Variants in COL22A1 observed in about 807,000 individuals in gnomAD.
The protein encoded by COL22A1 is collagen alpha-1(XXII) chain.
A neutral mutation model predicts 248.9 loss-of-function variants in COL22A1; 221 were observed. That is an observed-to-expected ratio of 0.89 (90% CI 0.80 to 0.99). The LOEUF is 0.99. Among genes scored for constraint, COL22A1 ranks in the 50% least tolerant of loss-of-function variants. COL22A1 has a pLI of 0.00. For synonymous variants in COL22A1, 891 were observed against 793.4 expected (o/e 1.12, Z -2.07); for missense variants, 2,240 against 2,179.0 (o/e 1.03, Z -0.56).
intron 56 of COL22A1, 23 bp downstream of exon 56, chr8:138,613,844 A>G (rs370934684): frequency 6.7e-5 from 108 of 1,606,450 alleles, no homozygotes; most frequent in Non-Finnish European, 8.9e-5. Context: ...CATGAAGCAC[A>G]TTAGTCGCAA....
chr8:138,722,493 A>G (rs1314092623), intron 25 of COL22A1, among the ~76,000 whole-genome samples: 2 of 151,860 alleles, frequency 1.3e-5, no homozygotes, highest in Non-Finnish European at 2.9e-5. Flanking sequence ...CTTCCTTCCC[A>G]CTGCTATCCT....
At chr8:138,591,056 G>A (rs1201958787) in intron 64 of COL22A1, among the ~76,000 whole-genome samples, 1 of 152,164 alleles carries the variant, frequency 6.6e-6, no homozygotes, top group Non-Finnish European at 1.5e-5. Flanking sequence ...ATTTTTTAAT[G>A]CGAGAGTCCT....
intron 60 of COL22A1, among the ~76,000 whole-genome samples, chr8:138,601,598 GAAAAAAAAGA>G (rs1312644650): frequency 6.6e-6 from 1 of 151,256 alleles, no homozygotes; most frequent in East Asian, 1.9e-4. Flanking sequence ...CTCTTCAGAA[GAAAAAAAAGA>G]AAAAAAAGTC....
Position 138,877,844 on chromosome 8 carries a change from G to T in COL22A1, c.564C>A (p.Ile188=), listed in dbSNP as rs750855901. The stretch of plus-strand genomic sequence containing the variant: ...CGTGGGCGGACTTGGGCTCTGAGGC[G>T]ATCTCCTCCAGCTCCTCCTTGAGTG... ...GEALKEELEE[I]ASEPKSAHVF... Residue 188 remains isoleucine (I), a synonymous_variant, in exon 3 of 65, where the codon ATC becomes ATA. Coordinates refer to ENST00000303045, the MANE Select transcript of COL22A1 (RefSeq NM_152888.3). 1 of 1,613,474 alleles carries T rather than the reference G, an allele frequency of 6.2e-7. No homozygotes were observed. The highest frequency in any genetic ancestry group is 2.2e-5 in the East Asian group (1 of 44,852).
rs202211660 is a variant in COL22A1 at position 138,598,924 on chromosome 8, A to C, written c.4186-26T>G. The stretch of plus-strand genomic sequence containing the variant: ...CTAAGGAGGAAATAAGCATGTCAGC[A>C]TGTGTCTCAGGGCTGGAAGCTGTAC... On this transcript the variant is annotated intron_variant, in intron 60 of 64. Coordinates refer to ENST00000303045, the MANE Select transcript of COL22A1 (RefSeq NM_152888.3). 240 of 1,612,882 alleles carry C rather than the reference A, an allele frequency of 1.5e-4. No homozygotes were observed. The African/African-American group carries it at 2.3e-3, about 16-fold the overall frequency.
chr8:138,600,730 C>A (rs1448306191), intron 60 of COL22A1, among the ~76,000 whole-genome samples: 1 of 152,110 alleles, frequency 6.6e-6, no homozygotes, highest in Non-Finnish European at 1.5e-5. Context: ...TCAGTGAATT[C>A]AAAAATAATA....
intron 31 of COL22A1, among the ~76,000 whole-genome samples, chr8:138,702,822 T>G (rs1049123008): frequency 6.6e-6 from 1 of 152,170 alleles, no homozygotes; most frequent in Non-Finnish European, 1.5e-5. Context: ...ACTGACTTTG[T>G]TAGACCATAA....
chr8:138,650,711 T>C (rs62527872), intron 45 of COL22A1, among the ~76,000 whole-genome samples: 41 of 77,708 alleles, frequency 5.3e-4, no homozygotes, highest in Admixed American at 2.6e-3. Flanking sequence ...GATAGATAGA[T>C]AGATAGACAG....
intron 1 of COL22A1, among the ~76,000 whole-genome samples, chr8:138,902,961 T>G (rs368283441): frequency 2.6e-5 from 4 of 152,062 alleles, no homozygotes; most frequent in African/African-American, 9.7e-5. Context: ...TCAAGGGTGG[T>G]TACTTTAGCC....
At position 138,778,373 on chromosome 8, in the gene COL22A1, G is replaced by A; in HGVS notation, c.1738C>T (p.Pro580Ser). 6.2e-7 allele frequency: 1 copy of A among 1,612,344 alleles called. No homozygotes were observed. Among genetic ancestry groups the A allele is most frequent in the Non-Finnish European group, 8.5e-7 (1 of 1,179,440 alleles). The change falls in exon 15 of 65, where the codon CCT (proline) becomes TCT (serine). Residue 580 changes from proline (P) to serine (S), a missense_variant. Transcript: ENST00000303045. The part of the protein sequence containing the change: ...PQGPPGLPGP[P>S]GRVGAPGLQG... ...CTTACAGGAGCTCCGACACGTCCAG[G>A]AGGTCCGGGGAGTCCAGGTGGTCCT... is the stretch of plus-strand genomic sequence containing the variant.
At chr8:138,833,229 G>T in intron 4 of COL22A1, 79 bp from the exon 5 acceptor site, 1 of 955,220 alleles carries the variant, frequency 1.0e-6, no homozygotes, top group Non-Finnish European at 1.7e-6. Context: ...TCCGCTGTCT[G>T]CAAAGGCAGC....
At chr8:138,603,614 A>G (rs1220728000) in intron 59 of COL22A1, among the ~76,000 whole-genome samples, 2 of 152,132 alleles carry the variant, frequency 1.3e-5, no homozygotes, top group Non-Finnish European at 2.9e-5. Context: ...CATGGGGCTG[A>G]CGCAGCCCTC....
intron 57 of COL22A1, among the ~76,000 whole-genome samples, chr8:138,607,104 A>G (rs1340954960): frequency 6.6e-6 from 1 of 152,092 alleles, no homozygotes; most frequent in Admixed American, 6.5e-5. Context: ...TCAGATGCCG[A>G]GTTTGCCTGG....
At chr8:138,896,627 A>G (rs1057402690) in intron 1 of COL22A1, among the ~76,000 whole-genome samples, 3 of 152,236 alleles carry the variant, frequency 2.0e-5, no homozygotes, top group African/African-American at 7.2e-5. Flanking sequence ...TGGCAGACTT[A>G]ACCCTTAAAA....
chr8:138,687,464 C>T (rs1280402304), intron 37 of COL22A1, among the ~76,000 whole-genome samples: 1 of 152,162 alleles, frequency 6.6e-6, no homozygotes, highest in African/African-American at 2.4e-5. Context: ...TTAAAAGGCA[C>T]CAAGTAGATG....
At chr8:138,824,387 A>G (rs1819405150) in intron 6 of COL22A1, among the ~76,000 whole-genome samples, 1 of 152,192 alleles carries the variant, frequency 6.6e-6, no homozygotes, top group African/African-American at 2.4e-5. Flanking sequence ...TATTTTCAAA[A>G]TTAATCTATA....
intron 40 of COL22A1, among the ~76,000 whole-genome samples, chr8:138,678,087 C>A (rs1667466841): frequency 6.6e-6 from 1 of 152,162 alleles, no homozygotes; most frequent in South Asian, 2.1e-4. Flanking sequence ...TATAGTACAA[C>A]CGTTGCCTGG....
chr8:138,787,705 C>T (rs1815659552), intron 12 of COL22A1, among the ~76,000 whole-genome samples: 1 of 152,166 alleles, frequency 6.6e-6, no homozygotes, highest in Non-Finnish European at 1.5e-5. Flanking sequence ...TTCACAACAG[C>T]TGCTGTGACT....
At chr8:138,602,844 C>T (rs1200016158) in intron 59 of COL22A1, among the ~76,000 whole-genome samples, 1 of 152,224 alleles carries the variant, frequency 6.6e-6, no homozygotes, top group Non-Finnish European at 1.5e-5. Flanking sequence ...CTCTCTAAAG[C>T]ATTGACTAAT....
Sources: gnomAD v4.1 joint callset for allele counts (sites outside exome capture counted in the v4.1 genomes callset) on GRCh38, gnomAD v4.1.1 for gene constraint, MANE v1.5 for transcripts, NCBI Gene and HGNC (gene_info 2026-07-23, HGNC 2026-07-21) for gene names.